Variants in CNTNAP2 observed in about 807,000 individuals in gnomAD.
CNTNAP2 encodes contactin associated protein 2.
In CNTNAP2, 98 loss-of-function variants were observed where a neutral mutation model predicts 155.2. The observed-to-expected ratio is 0.63, with a 90% confidence interval of 0.54 to 0.75. CNTNAP2 has a LOEUF of 0.75. Ranked by LOEUF, CNTNAP2 falls within the 30% of genes least tolerant of loss-of-function variation. CNTNAP2 has a pLI of 0.00. For synonymous variants in CNTNAP2, 651 were observed against 631.2 expected, an observed-to-expected ratio of 1.03 and a Z score of -0.47; for missense variants, 1,727 against 1,688.1, an observed-to-expected ratio of 1.02 and a Z score of -0.40.
intron 20 of CNTNAP2, among the ~76,000 whole-genome samples, chr7:148,237,921 C>T (rs1796071808): frequency 6.6e-6 from 1 of 152,144 alleles, no homozygotes; most frequent in African/African-American, 2.4e-5. Context: ...TTGAGAGGGC[C>T]TTAATGATCA....
intron 1 of CNTNAP2, among the ~76,000 whole-genome samples, chr7:146,585,170 G>A (rs1366754124): frequency 6.6e-6 from 1 of 152,032 alleles, no homozygotes; most frequent in Non-Finnish European, 1.5e-5. Context: ...TCGCCAGACT[G>A]GAGTGCAGTG....
At chr7:147,212,236 T>A (rs1166375861) in intron 8 of CNTNAP2, among the ~76,000 whole-genome samples, 1 of 152,122 alleles carries the variant, frequency 6.6e-6, no homozygotes, top group Non-Finnish European at 1.5e-5. Flanking sequence ...ACAATCCCAT[T>A]ACTGGATATA....
At chr7:147,933,535 AGATAGATAT>A (rs1800548742) in intron 14 of CNTNAP2, among the ~76,000 whole-genome samples, 1 of 120,330 alleles carries the variant, frequency 8.3e-6, no homozygotes, top group African/African-American at 2.6e-5. Flanking sequence ...ATAGATAGAT[AGATAGATAT>A]AACAGAATAT....
intron 21 of CNTNAP2, among the ~76,000 whole-genome samples, chr7:148,297,292 T>A (rs77321802): frequency 0.086 from 13,035 of 152,070 alleles, 619 homozygotes; most frequent in African/African-American, 0.11. Context: ...TGTGGTTACA[T>A]CAGACAGCTA....
intron 21 of CNTNAP2, among the ~76,000 whole-genome samples, chr7:148,375,232 A>C (rs180817376): frequency 1.8e-3 from 263 of 145,076 alleles, no homozygotes; most frequent in African/African-American, 6.4e-3. Flanking sequence ...AGTTATGTAT[A>C]TATGTATGTT....
At chr7:146,655,039 G>A (rs1384798373) in intron 1 of CNTNAP2, among the ~76,000 whole-genome samples, 1 of 152,008 alleles carries the variant, frequency 6.6e-6, no homozygotes, top group African/African-American at 2.4e-5. Context: ...TTAACTTATA[G>A]ATTATATAAT....
chr7:148,396,529 C>T (rs1327659911), intron 22 of CNTNAP2, among the ~76,000 whole-genome samples: 2 of 152,176 alleles, frequency 1.3e-5, no homozygotes, highest in Non-Finnish European at 2.9e-5. Context: ...TCAGTCACCA[C>T]CTGGAAATGT....
intron 15 of CNTNAP2, among the ~76,000 whole-genome samples, chr7:148,103,020 G>T (rs1051590146): frequency 1.3e-5 from 2 of 152,096 alleles, no homozygotes; most frequent in Non-Finnish European, 2.9e-5. Flanking sequence ...AGGACAACTC[G>T]AAATGGGGAG....
chr7:147,552,605 C>G (rs200659023), intron 11 of CNTNAP2, among the ~76,000 whole-genome samples: 81 of 143,714 alleles, frequency 5.6e-4, no homozygotes, highest in African/African-American at 1.6e-3. Context: ...CACACACACA[C>G]ACAGAGATAT....
rs547513763 is a variant in CNTNAP2 at position 148,000,977 on chromosome 7, C to G, written c.2383+22988C>G. ...GCCCTTGGCTTATGGCAGCAAAACT[C>G]CCAACTCTGCCTGTCTCCACAAGGA... On this transcript the variant is annotated intron_variant, in intron 15 of 23. Transcript: ENST00000361727. Among the ~76,000 whole-genome samples, 31 of 152,314 alleles carry G rather than the reference C, an allele frequency of 2.0e-4. 1 individual carries two copies. The South Asian group carries it at 6.4e-3, about 32-fold the overall frequency.
chr7:147,186,311 A>T (rs953313179), intron 8 of CNTNAP2, among the ~76,000 whole-genome samples: 1 of 152,168 alleles, frequency 6.6e-6, no homozygotes, highest in African/African-American at 2.4e-5. Flanking sequence ...TGTATCAAGT[A>T]TTACATAATA....
At chr7:146,171,103 G>A (rs1798383406) in intron 1 of CNTNAP2, among the ~76,000 whole-genome samples, 1 of 152,072 alleles carries the variant, frequency 6.6e-6, no homozygotes, top group African/African-American at 2.4e-5. Context: ...CAGCTTTCTG[G>A]ATTTTTTGTG....
chr7:147,253,049 G>A (rs1434532657), intron 8 of CNTNAP2, among the ~76,000 whole-genome samples: 2 of 152,166 alleles, frequency 1.3e-5, no homozygotes, highest in Admixed American at 6.5e-5. Flanking sequence ...AATGAAGACT[G>A]GTAATCCTAA....
At chr7:148,067,680 C>T (rs1344436137) in intron 15 of CNTNAP2, among the ~76,000 whole-genome samples, 2 of 152,198 alleles carry the variant, frequency 1.3e-5, no homozygotes, top group African/African-American at 2.4e-5. Context: ...GGTATTTGGG[C>T]TTCTCAGGTG....
At chr7:148,165,479 T>C (rs1434129310) in intron 17 of CNTNAP2, among the ~76,000 whole-genome samples, 2 of 152,182 alleles carry the variant, frequency 1.3e-5, no homozygotes, top group Non-Finnish European at 2.9e-5. Context: ...TCAGCCATAT[T>C]TAATTTATTC....
chr7:148,283,834 T>C (rs10952748), intron 21 of CNTNAP2, among the ~76,000 whole-genome samples: 104,129 of 152,140 alleles, frequency 0.68, 36,051 homozygotes, highest in South Asian at 0.81. Context: ...ATGAGCTCAA[T>C]GTTAATAAAT....
intron 19 of CNTNAP2, among the ~76,000 whole-genome samples, chr7:148,227,934 T>TGTGA (rs1491245184): frequency 4.4e-5 from 6 of 136,792 alleles, no homozygotes; most frequent in Non-Finnish European, 9.4e-5. Flanking sequence ...TGTGTGTGTG[T>TGTGA]GAAAGTCTGG....
At chr7:147,131,721 G>T (rs995161975) in intron 7 of CNTNAP2, among the ~76,000 whole-genome samples, 3 of 151,808 alleles carry the variant, frequency 2.0e-5, no homozygotes, top group South Asian at 4.2e-4. Flanking sequence ...GCATATACAA[G>T]GTATATAGAT....
intron 13 of CNTNAP2, among the ~76,000 whole-genome samples, chr7:147,752,314 A>G (rs926957800): frequency 2.1e-5 from 1 of 48,644 alleles, no homozygotes; most frequent in Admixed American, 3.1e-4. Context: ...CCTTCAAGGT[A>G]TTTTCCCTGA....
Sources: allele counts gnomAD v4.1 joint callset (sites outside exome capture counted in the v4.1 genomes callset), GRCh38; gene constraint gnomAD v4.1.1; transcripts MANE v1.5; gene names NCBI Gene and HGNC (gene_info 2026-07-23, HGNC 2026-07-21).